Variants in CDC42 observed in about 807,000 individuals in gnomAD.
CDC42 encodes the protein cell division cycle 42.
A neutral mutation model predicts 20.8 loss-of-function variants in CDC42; 1 was observed. The ratio of observed to expected loss-of-function variants is 0.05; its 90% confidence interval spans 0.02 to 0.23. CDC42 has a LOEUF of 0.23. Ranked by LOEUF, CDC42 falls within the 10% of genes least tolerant of loss-of-function variation. CDC42 has a pLI of 1.00. For synonymous variants in CDC42, 72 were observed against 84.8 expected (o/e 0.85, Z 0.83); for missense variants, 49 against 227.9 (o/e 0.21, Z 5.05).
chr1:22,057,942 G>A (rs574274324), intron 1 of CDC42, among the ~76,000 whole-genome samples: 1 of 151,996 alleles, frequency 6.6e-6, no homozygotes, highest in African/African-American at 2.4e-5. Flanking sequence ...GGTCAGGCTG[G>A]TCTGTAACTC....
At chr1:22,056,744 C>T (rs1341241013) in intron 1 of CDC42, among the ~76,000 whole-genome samples, 1 of 152,228 alleles carries the variant, frequency 6.6e-6, no homozygotes, top group Non-Finnish European at 1.5e-5. Flanking sequence ...AATGTGGCGT[C>T]CCTTTTTGCA....
intron 1 of CDC42, among the ~76,000 whole-genome samples, chr1:22,077,527 G>T (rs1645564727): frequency 6.6e-6 from 1 of 151,944 alleles, no homozygotes; most frequent in African/African-American, 2.4e-5. Context: ...TAAAATTTAG[G>T]TACATATTGG....
intron 1 of CDC42, chr1:22,053,187 G>C (rs1645255847): frequency 6.6e-6 from 1 of 151,354 alleles, no homozygotes; most frequent in Non-Finnish European, 1.5e-5. Context: ...GTGCTGGCAG[G>C]CTGCGTTCCG....
intron 5 of CDC42, 38 bp downstream of exon 5, chr1:22,086,904 G>A (rs766988762): frequency 3.3e-6 from 5 of 1,536,356 alleles, no homozygotes; most frequent in Admixed American, 3.3e-5. Flanking sequence ...ATTTATGGTC[G>A]AGTCATTTAT....
At position 22,096,308 on chromosome 1, in the gene CDC42, T is replaced by G. The variant is rs1425458053; in HGVS notation, c.*4791T>G. The stretch of plus-strand genomic sequence containing the variant: ...TAGTAAATTCAACAAATAGGTTTTT[T>G]TAAAGCAATTAAGGCACTGAGGATA... On this transcript the variant is annotated 3_prime_UTR_variant, in exon 6 of 6. Transcript: ENST00000656825. Among the ~76,000 whole-genome samples, 1 of 152,172 alleles carries G rather than the reference T, an allele frequency of 6.6e-6. No individual in the cohort carries two copies. Among genetic ancestry groups the G allele is most frequent in the Non-Finnish European group, 1.5e-5 (1 of 68,028 alleles).
intron 1 of CDC42, among the ~76,000 whole-genome samples, chr1:22,057,527 GGC>G (rs1163229682): frequency 6.6e-6 from 1 of 151,910 alleles, no homozygotes; most frequent in African/African-American, 2.4e-5. Flanking sequence ...TGGGATTGCA[GGC>G]ATGCGTCAGC....
At chr1:22,054,915 ATATATATTTTTTTTTTTTTTTTTTTT>A (rs1557890133) in intron 1 of CDC42, among the ~76,000 whole-genome samples, 68 of 14,656 alleles carry the variant, frequency 4.6e-3, no homozygotes, top group South Asian at 0.024. Flanking sequence ...ATATATATAT[ATATATATTTTTTTTTTTTTTTTTTTT>A]TTTTTTTTTT....
chr1:22,090,635 C>A lies in CDC42; in HGVS notation c.487-793C>A, dbSNP rs191685630. 13 of 985,322 alleles carry A rather than the reference C, an allele frequency of 1.3e-5. No individual in the cohort carries two copies. In the East Asian group the frequency reaches 1.5e-3, roughly 112 times the overall value. 61.0% of individuals were successfully genotyped at this position (985,322 alleles called of 1,614,324 possible). The stretch of plus-strand genomic sequence containing the variant: ...TACTGCTTTATGAGTTCATTTGTTA[C>A]ATTATCTTTTAAGAATAACATCCAT... On this transcript the variant is annotated intron_variant, in intron 5 of 5. Coordinates refer to ENST00000656825, the MANE Select transcript of CDC42 (RefSeq NM_001791.4).
In CDC42 at chr1:22,093,463, A is replaced by G. The variant is rs1341104327; in HGVS notation, c.*1946A>G. The stretch of plus-strand genomic sequence containing the variant: ...TGCTGCGAATCTGAATATGGGATAC[A>G]TTTTCTTTAGGTAGCAAGAAAGGTT... On this transcript the variant is annotated 3_prime_UTR_variant, in exon 6 of 6. Coordinates refer to ENST00000656825, the MANE Select transcript of CDC42 (RefSeq NM_001791.4). Among the ~76,000 whole-genome samples the G allele has an allele frequency of 6.6e-6, 1 of 152,212 alleles. No individual in the cohort carries two copies. The highest frequency in any genetic ancestry group is 1.5e-5 in the Non-Finnish European group (1 of 68,038).
chr1:22,078,431 C>A lies in CDC42; in HGVS notation c.-48C>A, dbSNP rs542688819. 17 of 1,344,760 alleles carry A rather than the reference C, an allele frequency of 1.3e-5. No individual in the cohort carries two copies. In the African/African-American group the frequency reaches 1.3e-4, roughly 10 times the overall value. 83.3% of individuals were successfully genotyped at this position (1,344,760 alleles called of 1,614,324 possible). A position where few individuals can be genotyped will look rare whatever the true frequency, so the allele number is the denominator to read the frequency against. Reference sequence around the variant, plus strand: ...AAATGTCTTTAATCTTTTTGCAGGTCATCATCAGATTTGAAATATTTAAAG... The same window carrying A: ...AAATGTCTTTAATCTTTTTGCAGGTAATCATCAGATTTGAAATATTTAAAG... On this transcript the variant is annotated splice_region_variant and 5_prime_UTR_variant, in exon 2 of 6. Transcript: ENST00000656825.
chr1:22,086,789 A>G lies in CDC42; in HGVS notation c.409A>G (p.Ile137Val), dbSNP rs142108830. The change falls in exon 5 of 6, where the codon ATC becomes GTC. Residue 137 changes from isoleucine (I) to valine (V), a missense_variant. Transcript: ENST00000656825. ...ACTTGCCAAGAACAAACAGAAGCCT[A>G]TCACTCCAGAGACTGCTGAAAAGCT... Reference protein sequence around the residue: ...EKLAKNKQKPITPETAEKLAR... With the variant: ...EKLAKNKQKPVTPETAEKLAR... The G allele has an allele frequency of 3.5e-5, 57 of 1,614,008 alleles. No homozygotes were observed. The highest frequency in any genetic ancestry group is 1.5e-4 in the African/African-American group (11 of 74,922).
At chr1:22,058,345 G>T (rs1005955958) in intron 1 of CDC42, among the ~76,000 whole-genome samples, 13 of 152,288 alleles carry the variant, frequency 8.5e-5, no homozygotes, top group Non-Finnish European at 8.8e-5. Flanking sequence ...TTTAGGCAGT[G>T]TACCACAATT....
At chr1:22,070,629 G>C (rs933171119) in intron 1 of CDC42, among the ~76,000 whole-genome samples, 19 of 151,302 alleles carry the variant, frequency 1.3e-4, no homozygotes, top group African/African-American at 4.6e-4. Flanking sequence ...ACGCCCAGCT[G>C]ATTTTTTTGT....
chr1:22,069,325 G>A (rs558428848), intron 1 of CDC42, among the ~76,000 whole-genome samples: 4 of 151,850 alleles, frequency 2.6e-5, no homozygotes, highest in Admixed American at 6.6e-5. Flanking sequence ...ACAGGTGAGC[G>A]CCATCACACC....
chr1:22,088,450 C>A (rs1645684471), intron 5 of CDC42, among the ~76,000 whole-genome samples: 1 of 152,138 alleles, frequency 6.6e-6, no homozygotes, highest in Admixed American at 6.5e-5. Flanking sequence ...AAGGTCTTAG[C>A]AGGTACATTT....
At chr1:22,069,305 A>G (rs1490481372) in intron 1 of CDC42, among the ~76,000 whole-genome samples, 1 of 149,520 alleles carries the variant, frequency 6.7e-6, no homozygotes, top group Non-Finnish European at 1.5e-5. Context: ...CCTCCCAAAT[A>G]GCTGGGACTA....
chr1:22,087,489 A>T (rs1645672584), intron 5 of CDC42, among the ~76,000 whole-genome samples: 2 of 152,140 alleles, frequency 1.3e-5, no homozygotes, highest in South Asian at 4.1e-4. Context: ...GATTTTGAAG[A>T]TAGGGAGCAA....
intron 2 of CDC42, 141 bp downstream of exon 2, chr1:22,078,724 T>C (rs1252957142): frequency 6.0e-6 from 9 of 1,500,554 alleles, no homozygotes; most frequent in African/African-American, 1.4e-5. Flanking sequence ...TTCTCATGGG[T>C]AAATTATATA....
chr1:22,071,043 T>TTAC (rs1645485456), intron 1 of CDC42, among the ~76,000 whole-genome samples: 1 of 36,102 alleles, frequency 2.8e-5, no homozygotes, highest in African/African-American at 1.6e-4. Flanking sequence ...TTTTTTTTTC[T>TTAC]TTCTTTTTTT....
Sources: allele counts gnomAD v4.1 joint callset (sites outside exome capture counted in the v4.1 genomes callset), GRCh38; gene constraint gnomAD v4.1.1; transcripts MANE v1.5; gene names NCBI Gene and HGNC (gene_info 2026-07-23, HGNC 2026-07-21).